Variants in G3BP1 observed in about 807,000 individuals in gnomAD.
The protein encoded by G3BP1 is ras GTPase-activating protein-binding protein 1.
G3BP1 carries 35 observed loss-of-function variants against 58.6 expected under a neutral mutation model. That is an observed-to-expected ratio of 0.60 (90% CI 0.46 to 0.79). The LOEUF is 0.79. Among genes scored for constraint, G3BP1 ranks in the 30% least tolerant of loss-of-function variants. The pLI is 0.00. For synonymous variants in G3BP1, 191 were observed against 195.4 expected (o/e 0.98, Z 0.19); for missense variants, 523 against 580.8 (o/e 0.90, Z 1.02).
At chr5:151,800,400 C>G (rs1762830531) in intron 10 of G3BP1, 54 bp downstream of exon 10, 2 of 1,329,152 alleles carry the variant, frequency 1.5e-6, no homozygotes, top group Non-Finnish European at 2.1e-6. Context: ...CTAGCACTGT[C>G]CAGTAGCAAT....
intron 4 of G3BP1, chr5:151,792,051 C>T (rs1451741082): frequency 2.2e-6 from 1 of 455,812 alleles, no homozygotes; most frequent in East Asian, 7.0e-5. Context: ...CCAGGTTCAT[C>T]TTGCACTGTT....
At chr5:151,801,033 G>A (rs551409615) in intron 11 of G3BP1, among the ~76,000 whole-genome samples, 164 bp downstream of exon 11, 2 of 152,012 alleles carry the variant, frequency 1.3e-5, no homozygotes, top group East Asian at 3.9e-4. Context: ...ACTTGCCTGG[G>A]GGTTTAGGAA....
At chr5:151,776,160 C>G (rs550849589) in intron 1 of G3BP1, among the ~76,000 whole-genome samples, 2 of 152,242 alleles carry the variant, frequency 1.3e-5, no homozygotes, top group South Asian at 4.1e-4. Context: ...GACACTTGAT[C>G]TCATTTGGAT....
chr5:151,779,541 T>C (rs1437235526), intron 1 of G3BP1, among the ~76,000 whole-genome samples: 1 of 152,254 alleles, frequency 6.6e-6, no homozygotes. Flanking sequence ...CCTGTGTATC[T>C]ATGTACGGTA....
intron 5 of G3BP1, among the ~76,000 whole-genome samples, chr5:151,794,685 T>C (rs1762720541): frequency 6.6e-6 from 1 of 152,244 alleles, no homozygotes; most frequent in South Asian, 2.1e-4. Flanking sequence ...CTGTTTGCTA[T>C]ATAAATGTTC....
At position 151,812,384 on chromosome 5, in the gene G3BP1, A is replaced by G. The variant is rs766432554; in HGVS notation, c.*8293A>G. ...ATGATACATTTAAGTTGGTAGCTAC[A>G]TTTTTGGAATAAAGGAAATGTAAAA... is the stretch of plus-strand genomic sequence containing the variant. On this transcript the variant is annotated 3_prime_UTR_variant, in exon 12 of 12. Coordinates refer to ENST00000356245, the MANE Select transcript of G3BP1 (RefSeq NM_005754.3). The G allele has an allele frequency of 6.6e-6, 1 of 152,210 alleles. No individual in the cohort carries two copies. The highest frequency in any genetic ancestry group is 1.5e-5 in the Non-Finnish European group (1 of 68,032). 9.4% of individuals were successfully genotyped at this position (152,210 alleles called of 1,614,324 possible).
chr5:151,773,225 A>G (rs910926949), intron 1 of G3BP1, among the ~76,000 whole-genome samples: 1 of 152,028 alleles, frequency 6.6e-6, no homozygotes, highest in African/African-American at 2.4e-5. Flanking sequence ...GATTCACTTT[A>G]TAGTTGAAGG....
At position 151,808,520 on chromosome 5, in the gene G3BP1, G is replaced by C. The variant is rs568850777; in HGVS notation, c.*4429G>C. ...ACATTGGATTCGTCTTCTCTCCACA[G>C]TTTCTACTTGAACCTAGTAGCTTAT... On this transcript the variant is annotated 3_prime_UTR_variant, in exon 12 of 12. Transcript: ENST00000356245. 6.6e-6 allele frequency: 1 copy of C among 152,182 alleles called. No individual in the cohort carries two copies. The highest frequency in any genetic ancestry group is 1.5e-5 in the Non-Finnish European group (1 of 68,030). The allele number at this position is 152,182 out of a possible 1,614,324, so 9.4% of individuals were successfully genotyped here.
chr5:151,777,766 A>T (rs1289316659), intron 1 of G3BP1, among the ~76,000 whole-genome samples: 2 of 152,102 alleles, frequency 1.3e-5, no homozygotes, highest in African/African-American at 4.8e-5. Context: ...CACAATCAAG[A>T]TTGTGAACCT....
intron 1 of G3BP1, among the ~76,000 whole-genome samples, chr5:151,778,301 GT>G (rs1183187977): frequency 7.9e-5 from 12 of 152,122 alleles, no homozygotes; most frequent in African/African-American, 2.9e-4. Context: ...TGTGACAGGT[GT>G]TTAGTGGTAC....
At position 151,800,332 on chromosome 5, in the gene G3BP1, A is replaced by G; in HGVS notation, c.1070A>G (p.Lys357Arg). The G allele has an allele frequency of 6.2e-7, 1 of 1,613,298 alleles. No homozygotes were observed. The highest frequency in any genetic ancestry group is 2.2e-5 in the East Asian group (1 of 44,848). ...CATGAAGTGGACAAATCAGAGCTTA[A>G]AGATTTCTTTCAAAGTAGGTTATTG... is the stretch of plus-strand genomic sequence containing the variant. Reference protein sequence around the residue: ...LPHEVDKSELKDFFQSYGNVV... With the variant: ...LPHEVDKSELRDFFQSYGNVV... The change falls in exon 10 of 12, where the codon AAA (lysine) becomes AGA (arginine). Residue 357 changes from lysine (K) to arginine (R), a missense_variant. Physicochemically the swap from Lys to Arg is conservative, Grantham distance 26. This residue lies in a region of G3BP1 where 125 missense variants were observed against 181.7 expected (regional missense o/e 0.69). Transcript: ENST00000356245.
intron 5 of G3BP1, 83 bp from the exon 6 acceptor site, chr5:151,795,394 CTG>C: frequency 1.4e-6 from 1 of 710,490 alleles, no homozygotes; most frequent in Non-Finnish European, 2.5e-6. Flanking sequence ...TTTTTCTTCA[CTG>C]TTGTTTTGTG....
At position 151,809,621 on chromosome 5, in the gene G3BP1, C is replaced by G. The variant is rs1762986994; in HGVS notation, c.*5530C>G. On this transcript the variant is annotated 3_prime_UTR_variant, in exon 12 of 12. Transcript: ENST00000356245. ...CATAGAATGTTAGTGCTGGAAAGGA[C>G]TAGGAAGTGACTTGTACAACCCCTT... 6.6e-6 allele frequency: 1 copy of G among 152,142 alleles called. No individual in the cohort carries two copies. Among genetic ancestry groups the G allele is most frequent in the East Asian group, 1.9e-4 (1 of 5,194 alleles). 9.4% of individuals were successfully genotyped at this position (152,142 alleles called of 1,614,324 possible). A position where few individuals can be genotyped will look rare whatever the true frequency, so the allele number is the denominator to read the frequency against.
rs1762940878 is a variant in G3BP1 at position 151,806,556 on chromosome 5, A to G, written c.*2465A>G. 1 of 152,150 alleles carries G rather than the reference A, an allele frequency of 6.6e-6. No homozygotes were observed. Among genetic ancestry groups the G allele is most frequent in the African/African-American group, 2.4e-5 (1 of 41,440 alleles). The allele number at this position is 152,150 out of a possible 1,614,324, so 9.4% of individuals were successfully genotyped here. On this transcript the variant is annotated 3_prime_UTR_variant, in exon 12 of 12. Transcript: ENST00000356245. The stretch of plus-strand genomic sequence containing the variant: ...AGCATCATGATCAGAACTGTTGAGA[A>G]TCCTTGTACAATTATGTACATTATT...
chr5:151,798,572 G>A (rs987281365), intron 7 of G3BP1, among the ~76,000 whole-genome samples: 1 of 152,212 alleles, frequency 6.6e-6, no homozygotes, highest in African/African-American at 2.4e-5. Context: ...TAATTGAGTC[G>A]ATGTTTGTAC....
intron 1 of G3BP1, among the ~76,000 whole-genome samples, chr5:151,773,944 G>C (rs1168694613): frequency 6.6e-6 from 1 of 152,174 alleles, no homozygotes; most frequent in African/African-American, 2.4e-5. Context: ...AATTTCGTTA[G>C]TTTCTACTTA....
rs571646772 is a variant in G3BP1, at chr5:151,789,693, A to G, written c.96-630A>G. Reference sequence around the variant, plus strand: ...GATAGCTGTTCCAGCCTTACCGCACATTTTCTTCCTGAGTGAAAATAGGAA... The same window carrying G: ...GATAGCTGTTCCAGCCTTACCGCACGTTTTCTTCCTGAGTGAAAATAGGAA... On this transcript the variant is annotated intron_variant, in intron 2 of 11. Transcript: ENST00000356245. Among the ~76,000 whole-genome samples, 47 of 152,312 alleles carry G rather than the reference A, an allele frequency of 3.1e-4. 1 individual carries two copies. Among genetic ancestry groups the G allele is most frequent in the South Asian group, 1.9e-3 (9 of 4,832 alleles).
intron 1 of G3BP1, among the ~76,000 whole-genome samples, chr5:151,782,683 C>G (rs1276965804): frequency 6.6e-6 from 1 of 151,954 alleles, no homozygotes; most frequent in African/African-American, 2.4e-5. Flanking sequence ...AAATTTTTAG[C>G]ATATATTTTC....
rs1298437238 is a variant in G3BP1 at position 151,799,902 on chromosome 5, C to CT, written c.858dup (p.Lys287Ter). ...AAAATTTTTCAGCCCCGTCCAGAGT[C>CT]TAAGCCTGAATCTCAGATTCCACCA... On this transcript the variant is annotated frameshift_variant, in exon 9 of 12. Transcript: ENST00000356245. LOFTEE classifies it high-confidence loss of function. 1 of 1,609,152 alleles carries CT rather than the reference C, an allele frequency of 6.2e-7. No homozygotes were observed. The highest frequency in any genetic ancestry group is 1.7e-5 in the Admixed American group (1 of 59,958).
Sources: allele counts gnomAD v4.1 joint callset (sites outside exome capture counted in the v4.1 genomes callset), GRCh38; gene constraint gnomAD v4.1.1; regional missense constraint gnomAD v4.1.1; transcripts MANE v1.5; gene names NCBI Gene and HGNC (gene_info 2026-07-23, HGNC 2026-07-21).